PKNOX2: variants seen among roughly 807,000 people sequenced by gnomAD.
PKNOX2 encodes the protein homeobox protein PKNOX2.
Under a neutral mutation model 53.1 loss-of-function variants are expected in PKNOX2, and 14 were observed. That is an observed-to-expected ratio of 0.26 (90% CI 0.17 to 0.41). PKNOX2 has a LOEUF of 0.41. PKNOX2 is among the 10% of genes least tolerant of loss of function. The pLI is 1.00. For synonymous variants in PKNOX2, 257 were observed against 242.8 expected, an observed-to-expected ratio of 1.06 and a Z score of -0.54; for missense variants, 496 against 602.8, an observed-to-expected ratio of 0.82 and a Z score of 1.85.
intron 2 of PKNOX2, among the ~76,000 whole-genome samples, chr11:125,312,097 G>T (rs12275250): frequency 2.0e-5 from 3 of 151,964 alleles, no homozygotes; most frequent in Non-Finnish European, 4.4e-5. Flanking sequence ...GTTTCTTCAT[G>T]TGTAAAATGG....
At chr11:125,275,364 C>T (rs188441186) in intron 2 of PKNOX2, among the ~76,000 whole-genome samples, 2 of 152,192 alleles carry the variant, frequency 1.3e-5, no homozygotes, top group Admixed American at 1.3e-4. Context: ...AATGAGTAGA[C>T]AAGACGGAGG....
chr11:125,417,727 TC>T (rs1955966298), intron 10 of PKNOX2, among the ~76,000 whole-genome samples: 1 of 152,178 alleles, frequency 6.6e-6, no homozygotes, highest in South Asian at 2.1e-4. Context: ...TGGAGCCCCG[TC>T]CTGGGAGAGG....
intron 3 of PKNOX2, among the ~76,000 whole-genome samples, chr11:125,343,712 G>A (rs959010442): frequency 4.6e-5 from 7 of 152,224 alleles, no homozygotes; most frequent in Admixed American, 2.0e-4. Context: ...AGGTGTGACA[G>A]CGAGGCAGGG....
rs1166479413 is a variant in PKNOX2 at position 125,425,939 on chromosome 11, G to A, written c.937-3073G>A. On this transcript the variant is annotated intron_variant, in intron 10 of 12. Transcript: ENST00000298282. ...ACTGGACGTCCAGGAGGGATAGGTG[G>A]TGAGGACTTGCACCAGGCGGTGGTT... Among the ~76,000 whole-genome samples the A allele has an allele frequency of 3.9e-5, 6 of 152,346 alleles. No individual in the cohort carries two copies. The East Asian group carries it at 1.2e-3, about 29-fold the overall frequency.
At chr11:125,260,097 T>G (rs1297673190) in intron 2 of PKNOX2, among the ~76,000 whole-genome samples, 1 of 151,958 alleles carries the variant, frequency 6.6e-6, no homozygotes, top group Non-Finnish European at 1.5e-5. Context: ...AGGCTGGTTT[T>G]GAATTCCTGG....
intron 5 of PKNOX2, among the ~76,000 whole-genome samples, chr11:125,377,647 T>A (rs1254205326): frequency 6.6e-6 from 1 of 152,232 alleles, no homozygotes; most frequent in East Asian, 1.9e-4. Context: ...TGAGTCCTTT[T>A]ACAGGGTTGT....
intron 5 of PKNOX2, among the ~76,000 whole-genome samples, chr11:125,376,480 A>C (rs943585682): frequency 6.6e-6 from 1 of 151,800 alleles, no homozygotes; most frequent in Non-Finnish European, 1.5e-5. Context: ...TCCCTCTAAG[A>C]CCTCACCACC....
chr11:125,286,458 A>G (rs1020572614), intron 2 of PKNOX2, among the ~76,000 whole-genome samples: 1 of 152,230 alleles, frequency 6.6e-6, no homozygotes, highest in Non-Finnish European at 1.5e-5. Context: ...TTTTTGCCCA[A>G]TTTCTTCAAA....
At chr11:125,394,983 T>C (rs1954295517) in intron 6 of PKNOX2, among the ~76,000 whole-genome samples, 1 of 152,046 alleles carries the variant, frequency 6.6e-6, no homozygotes, top group Non-Finnish European at 1.5e-5. Flanking sequence ...TGTGTGTGTG[T>C]ACATGTAATT....
chr11:125,419,445 A>G (rs1366738549), intron 10 of PKNOX2, among the ~76,000 whole-genome samples: 1 of 91,362 alleles, frequency 1.1e-5, no homozygotes, highest in Non-Finnish European at 2.8e-5. Context: ...AACCCCTGAA[A>G]AAAAAAGAAA....
intron 3 of PKNOX2, among the ~76,000 whole-genome samples, chr11:125,348,806 A>G (rs959876794): frequency 6.6e-6 from 1 of 152,078 alleles, no homozygotes; most frequent in South Asian, 2.1e-4. Context: ...CTTCATTATG[A>G]CCTTCTAATC....
At chr11:125,222,709 C>CTGTGTATGTGTG (rs984299489) in intron 1 of PKNOX2, among the ~76,000 whole-genome samples, 1 of 126,892 alleles carries the variant, frequency 7.9e-6, no homozygotes, top group South Asian at 2.5e-4. Context: ...TGTGTGTGTG[C>CTGTGTATGTGTG]TGTGTATGTG....
intron 1 of PKNOX2, among the ~76,000 whole-genome samples, chr11:125,172,381 G>T (rs539759998): frequency 6.6e-6 from 1 of 152,312 alleles, no homozygotes; most frequent in East Asian, 1.9e-4. Flanking sequence ...GTTGCAACAT[G>T]GCTTTCTTAC....
intron 2 of PKNOX2, among the ~76,000 whole-genome samples, chr11:125,274,336 G>C (rs536167481): frequency 2.4e-4 from 37 of 152,220 alleles, no homozygotes; most frequent in African/African-American, 8.9e-4. Context: ...GAGCCTGAAG[G>C]GTAAGGGATA....
intron 5 of PKNOX2, among the ~76,000 whole-genome samples, chr11:125,374,478 G>A (rs1308531872): frequency 3.3e-5 from 5 of 152,190 alleles, no homozygotes; most frequent in Admixed American, 1.3e-4. Context: ...GCTATAATCT[G>A]AAAAGTGAAA....
intron 1 of PKNOX2, among the ~76,000 whole-genome samples, chr11:125,221,973 T>A (rs1450451356): frequency 6.6e-6 from 1 of 152,130 alleles, no homozygotes; most frequent in Non-Finnish European, 1.5e-5. Flanking sequence ...TGGGAAGAAA[T>A]CAAATGCGTA....
In PKNOX2 at chr11:125,352,486, G is replaced by C. The variant is rs934603144; in HGVS notation, c.87+1094G>C. Among the ~76,000 whole-genome samples, 1 of 152,146 alleles carries C rather than the reference G, an allele frequency of 6.6e-6. No individual in the cohort carries two copies. Among genetic ancestry groups the C allele is most frequent in the African/African-American group, 2.4e-5 (1 of 41,426 alleles). On this transcript the variant is annotated intron_variant, in intron 4 of 12. Coordinates refer to ENST00000298282, the MANE Select transcript of PKNOX2 (RefSeq NM_001382323.2). This position sits in a 1 kb window ranked among gnomAD's most constrained non-coding sequence, Gnocchi z 4.1. ...ACACAGTGGTTCTCATGGGCCACAC[G>C]GAAGATTTGTGCAGCATGAAAGGGG...
intron 4 of PKNOX2, among the ~76,000 whole-genome samples, chr11:125,360,123 G>T (rs1951843067): frequency 6.7e-6 from 1 of 150,026 alleles, no homozygotes; most frequent in Non-Finnish European, 1.5e-5. Flanking sequence ...TCCAGCCTGG[G>T]CAACAAGAGC....
intron 4 of PKNOX2, among the ~76,000 whole-genome samples, chr11:125,362,179 CT>C (rs976824522): frequency 2.6e-5 from 4 of 152,088 alleles, no homozygotes; most frequent in East Asian, 3.9e-4. Flanking sequence ...CCTCCTGCCT[CT>C]TTTTTCACAG....
Sources: gnomAD v4.1 joint callset for allele counts (sites outside exome capture counted in the v4.1 genomes callset) on GRCh38, gnomAD v4.1.1 for gene constraint, Gnocchi (gnomAD v3.1) non-coding constraint, MANE v1.5 for transcripts, NCBI Gene and HGNC (gene_info 2026-07-23, HGNC 2026-07-21) for gene names.